TMC2: variants seen among roughly 807,000 people sequenced by gnomAD.
The protein encoded by TMC2 is transmembrane channel like 2.
Under a neutral mutation model 105.9 loss-of-function variants are expected in TMC2, and 102 were observed. That is an observed-to-expected ratio of 0.96 (90% CI 0.82 to 1.14). The LOEUF is 1.14. Ranked by LOEUF, TMC2 falls within the 50% of genes most tolerant of loss-of-function variation. TMC2 has a pLI of 0.00. For synonymous variants in TMC2, 402 were observed against 422.8 expected (o/e 0.95, Z 0.60); for missense variants, 1,093 against 1,134.3 (o/e 0.96, Z 0.52).
In TMC2 at chr20:2,560,039, G is replaced by T. The variant is rs572560706; in HGVS notation, c.401+1265G>T. Among the ~76,000 whole-genome samples, 27 of 152,280 alleles carry T rather than the reference G, an allele frequency of 1.8e-4. No individual in the cohort carries two copies. In the South Asian group the frequency reaches 4.6e-3, roughly 26 times the overall value. ...TAGGCATTGGTAATCCTAAGACAAG[G>T]CAGAAAGCAATATGCATGCAAGACA... On this transcript the variant is annotated intron_variant, in intron 3 of 19. Coordinates refer to ENST00000358864, the MANE Select transcript of TMC2 (RefSeq NM_080751.3).
At chr20:2,613,167 A>AC (rs1568524669) in intron 13 of TMC2, 27 bp from the exon 14 acceptor site, 6 of 1,603,562 alleles carry the variant, frequency 3.7e-6, no homozygotes, top group South Asian at 1.1e-5. Flanking sequence ...GTCTCCAACC[A>AC]CCCCCTCTTC....
intron 11 of TMC2, among the ~76,000 whole-genome samples, chr20:2,603,855 T>A (rs1285002611): frequency 6.6e-6 from 1 of 152,230 alleles, no homozygotes; most frequent in East Asian, 1.9e-4. Flanking sequence ...TCTTAGCCTA[T>A]GTTGTGTTAA....
chr20:2,564,397 G>A (rs1360987605), intron 4 of TMC2, among the ~76,000 whole-genome samples: 7 of 151,926 alleles, frequency 4.6e-5, no homozygotes, highest in South Asian at 2.1e-4. Flanking sequence ...TGATCCGCCC[G>A]CCTCGGCCTC....
At chr20:2,555,928 A>G (rs1218905095) in intron 2 of TMC2, among the ~76,000 whole-genome samples, 1 of 152,208 alleles carries the variant, frequency 6.6e-6, no homozygotes, top group Non-Finnish European at 1.5e-5. Flanking sequence ...ATAAAAGGGT[A>G]TTCCCAATGT....
Position 2,641,551 on chromosome 20 carries a change from G to T in TMC2, c.*200G>T. On this transcript the variant is annotated 3_prime_UTR_variant, in exon 20 of 20. Transcript: ENST00000358864. ...GACAGTGGCTTCACCTGTCCTTTAG[G>T]GAAGCTGGAGCCATCTCTGCACTAA... 1.8e-6 allele frequency: 1 copy of T among 566,958 alleles called. No individual in the cohort carries two copies. Among genetic ancestry groups the T allele is most frequent in the Non-Finnish European group, 3.2e-6 (1 of 317,230 alleles). The allele number at this position is 566,958 out of a possible 1,614,324, so 35.1% of individuals were successfully genotyped here. A position where few individuals can be genotyped will look rare whatever the true frequency, so the allele number is the denominator to read the frequency against.
At chr20:2,575,480 A>T (rs1478328055) in intron 5 of TMC2, among the ~76,000 whole-genome samples, 1 of 152,218 alleles carries the variant, frequency 6.6e-6, no homozygotes, top group Non-Finnish European at 1.5e-5. Flanking sequence ...TGGGTAAAAA[A>T]ATAGGTTATT....
At chr20:2,591,750 GAAAA>G (rs2086270450) in intron 7 of TMC2, among the ~76,000 whole-genome samples, 6 of 151,620 alleles carry the variant, frequency 4.0e-5, no homozygotes, top group Admixed American at 6.6e-5. Flanking sequence ...GAAAAGAAAA[GAAAA>G]GAAAAGGAAA....
At chr20:2,548,413 C>A (rs142133688) in intron 2 of TMC2, among the ~76,000 whole-genome samples, 2 of 152,006 alleles carry the variant, frequency 1.3e-5, no homozygotes, top group African/African-American at 2.4e-5. Flanking sequence ...CCAAGGCAGG[C>A]GGATCACCCG....
chr20:2,591,041 AG>A (rs2086264493), intron 7 of TMC2, among the ~76,000 whole-genome samples: 1 of 152,140 alleles, frequency 6.6e-6, no homozygotes, highest in East Asian at 1.9e-4. Flanking sequence ...CTCATTAAAA[AG>A]TCAATCCTTC....
chr20:2,605,503 T>C (rs1253505064), intron 11 of TMC2, among the ~76,000 whole-genome samples: 2 of 152,146 alleles, frequency 1.3e-5, no homozygotes, highest in Non-Finnish European at 2.9e-5. Context: ...CTCTGGTATC[T>C]TTTCCTCTTC....
intron 4 of TMC2, among the ~76,000 whole-genome samples, chr20:2,565,851 T>C (rs2086060528): frequency 6.6e-6 from 1 of 152,010 alleles, no homozygotes. Context: ...ACCAGCCTGG[T>C]CAACATGGTG....
In TMC2 at chr20:2,597,294, T is replaced by A; in HGVS notation, c.1220T>A (p.Phe407Tyr). The change falls in exon 10 of 20, where the codon TTC becomes TAC. Residue 407 changes from phenylalanine to tyrosine, a missense_variant. Phe to Tyr is a conservative substitution (Grantham distance 22). Coordinates refer to ENST00000358864, the MANE Select transcript of TMC2 (RefSeq NM_080751.3). ...AAATATGCATCCATCACCACCAGCT[T>A]CAAGGTAGTCACCCCAGGGCAGTTC... Reference protein sequence around the residue: ...DNKYASITTSFKESIVDEQES... With the variant: ...DNKYASITTSYKESIVDEQES... The A allele has an allele frequency of 6.2e-7, 1 of 1,613,674 alleles. No homozygotes were observed. The highest frequency in any genetic ancestry group is 8.5e-7 in the Non-Finnish European group (1 of 1,179,728).
rs373475673 is a variant in TMC2, at chr20:2,550,435, A to G, written c.83-8021A>G. ...CCCCTCACCGAATGTTTCTCCTAGCATGTCGCATTGGGTGTGCTGCGTTTG... is the reference window on the plus strand; with the variant it reads ...CCCCTCACCGAATGTTTCTCCTAGCGTGTCGCATTGGGTGTGCTGCGTTTG... On this transcript the variant is annotated intron_variant, in intron 2 of 19. Transcript: ENST00000358864. Among the ~76,000 whole-genome samples the G allele has an allele frequency of 6.6e-4, 100 of 152,288 alleles. 4 individuals are homozygous for G. Among genetic ancestry groups the G allele is most frequent in the African/African-American group, 2.3e-3 (95 of 41,552 alleles).
Position 2,592,457 on chromosome 20 carries a change from T to TAAAG in TMC2, c.933+51_933+54dup. On this transcript the variant is annotated intron_variant, in intron 8 of 19. Transcript: ENST00000358864. This position sits in a 1 kb window ranked among gnomAD's most constrained non-coding sequence, Gnocchi z 4.9. ...AACTTCCATTTGTGATTATAAAGGCTAAAGATTGCATGGATAAGTATGAAA... is the reference window on the plus strand; with the variant it reads ...AACTTCCATTTGTGATTATAAAGGCTAAAGAAAGATTGCATGGATAAGTATGAAA... The TAAAG allele has an allele frequency of 1.6e-6, 2 of 1,254,064 alleles. No homozygotes were observed. Among genetic ancestry groups the TAAAG allele is most frequent in the South Asian group, 2.4e-5 (2 of 83,910 alleles). The allele number at this position is 1,254,064 out of a possible 1,614,324, so 77.7% of individuals were successfully genotyped here. A position where few individuals can be genotyped will look rare whatever the true frequency, so the allele number is the denominator to read the frequency against.
At chr20:2,632,685 G>A (rs563497231) in intron 17 of TMC2, among the ~76,000 whole-genome samples, 18 of 152,214 alleles carry the variant, frequency 1.2e-4, no homozygotes, top group African/African-American at 4.1e-4. Flanking sequence ...CACCTCCTGG[G>A]CTCAAGCAAT....
At chr20:2,614,074 C>G (rs979189121) in intron 14 of TMC2, 2 of 151,870 alleles carry the variant, frequency 1.3e-5, no homozygotes, top group Non-Finnish European at 2.9e-5. Flanking sequence ...AGTCACCAGT[C>G]TCAGTTTTAA....
rs548919649 is a variant in TMC2, at chr20:2,579,992, G to A, written c.770G>A (p.Arg257Gln). Reference sequence around the variant, plus strand: ...GTGGCATCGTATTTCATCTTTCTCCGATGGATGTATGGAGTTAACCTTGTC... The same window carrying A: ...GTGGCATCGTATTTCATCTTTCTCCAATGGATGTATGGAGTTAACCTTGTC... ...SSVASYFIFL[R>Q]WMYGVNLVLF... Residue 257 changes from arginine to glutamine, a missense_variant, in exon 7 of 20, where the codon CGA (arginine) becomes CAA (glutamine). Physicochemically the swap from Arg to Gln is conservative, Grantham distance 43. Transcript: ENST00000358864. 22 of 1,613,906 alleles carry A rather than the reference G, an allele frequency of 1.4e-5. No individual in the cohort carries two copies. Among genetic ancestry groups the A allele is most frequent in the Middle Eastern group, 1.7e-4 (1 of 6,060 alleles).
At chr20:2,599,842 C>T (rs117917303) in intron 10 of TMC2, among the ~76,000 whole-genome samples, 1 of 152,230 alleles carries the variant, frequency 6.6e-6, no homozygotes. Flanking sequence ...TACAACTGCG[C>T]TTCGTTCTCT....
chr20:2,585,718 A>G (rs2086227291), intron 7 of TMC2, among the ~76,000 whole-genome samples: 1 of 152,184 alleles, frequency 6.6e-6, no homozygotes, highest in Non-Finnish European at 1.5e-5. Context: ...AGGTTCAGGT[A>G]CTCAGTGGCT....
Sources: gnomAD v4.1 joint callset for allele counts (sites outside exome capture counted in the v4.1 genomes callset) on GRCh38, gnomAD v4.1.1 for gene constraint, Gnocchi (gnomAD v3.1) non-coding constraint, MANE v1.5 for transcripts, NCBI Gene and HGNC (gene_info 2026-07-23, HGNC 2026-07-21) for gene names.